CPQ: variants seen among roughly 807,000 people sequenced by gnomAD.
CPQ encodes the protein carboxypeptidase Q.
A neutral mutation model predicts 45.7 loss-of-function variants in CPQ; 37 were observed. The ratio of observed to expected loss-of-function variants is 0.81; its 90% CI spans 0.62 to 1.07. CPQ has a LOEUF of 1.07. Ranked by LOEUF, CPQ falls within the 50% of genes least tolerant of loss-of-function variation. The pLI is 0.00. For missense variants in CPQ, 537 were observed against 572.9 expected (o/e 0.94, Z 0.64); for synonymous variants, 186 against 205.8 (o/e 0.90, Z 0.82).
At chr8:97,084,836 GTCTC>G (rs1004495853) in intron 7 of CPQ, among the ~76,000 whole-genome samples, 1 of 151,384 alleles carries the variant, frequency 6.6e-6, no homozygotes, top group East Asian at 1.9e-4. Context: ...GTGTGTGTGT[GTCTC>G]TCTGTGTGTA....
rs1296340476 is a variant in CPQ, at chr8:96,757,363, A to G, written c.-34-27501A>G. On this transcript the variant is annotated intron_variant, in intron 1 of 7. Transcript: ENST00000220763. ...AAGACTCCATCTCAATGATAATAATAATAATAATAATAATAATAATAATAA... is the reference window on the plus strand; with the variant it reads ...AAGACTCCATCTCAATGATAATAATGATAATAATAATAATAATAATAATAA... Among the ~76,000 whole-genome samples, 144 of 35,500 alleles carry G rather than the reference A, an allele frequency of 4.1e-3. 1 individual carries two copies. The highest frequency in any genetic ancestry group is 9.4e-3 in the African/African-American group (124 of 13,196). 23.3% of individuals were successfully genotyped at this position (35,500 alleles called of 152,430 possible).
chr8:97,040,150 T>C (rs887430175), intron 6 of CPQ, among the ~76,000 whole-genome samples: 2 of 149,542 alleles, frequency 1.3e-5, no homozygotes, highest in Non-Finnish European at 3.0e-5. Context: ...ACCTGTTGTT[T>C]CCTGACTTTT....
chr8:97,069,484 A>G (rs866653642), intron 7 of CPQ, among the ~76,000 whole-genome samples: 49 of 151,774 alleles, frequency 3.2e-4, no homozygotes, highest in Admixed American at 9.8e-4. Flanking sequence ...AAAAAAAAAA[A>G]AAGAAAAGGA....
intron 7 of CPQ, among the ~76,000 whole-genome samples, chr8:97,136,823 T>C (rs1426848400): frequency 6.6e-6 from 1 of 152,218 alleles, no homozygotes; most frequent in African/African-American, 2.4e-5. Flanking sequence ...TGACTCCCTC[T>C]TCAGAGCTCA....
chr8:97,012,851 C>T (rs1464353427), intron 5 of CPQ, among the ~76,000 whole-genome samples: 2 of 152,150 alleles, frequency 1.3e-5, no homozygotes, highest in Non-Finnish European at 2.9e-5. Context: ...GTAAACACCT[C>T]GCAGTTTGCT....
intron 1 of CPQ, among the ~76,000 whole-genome samples, chr8:96,768,148 TATGA>T (rs1202545751): frequency 6.6e-6 from 1 of 152,224 alleles, no homozygotes; most frequent in Non-Finnish European, 1.5e-5. Flanking sequence ...AAACTTGTTT[TATGA>T]ATGTTCTTTC....
At position 96,782,658 on chromosome 8, in the gene CPQ, C is replaced by T. The variant is rs573429280; in HGVS notation, c.-34-2206C>T. 1.3e-4 allele frequency among the ~76,000 whole-genome samples: 20 copies of T among 152,232 alleles called. No individual in the cohort carries two copies. In the South Asian group the frequency reaches 2.1e-3, roughly 16 times the overall value. ...CACACATTTTTATTCTTTACATGGC[C>T]AGGCTGTGAATTTTCATAATTTTTA... On this transcript the variant is annotated intron_variant, in intron 1 of 7. Coordinates refer to ENST00000220763, the MANE Select transcript of CPQ (RefSeq NM_016134.4).
At chr8:96,882,033 G>A (rs1812230305) in intron 4 of CPQ, among the ~76,000 whole-genome samples, 2 of 152,158 alleles carry the variant, frequency 1.3e-5, no homozygotes, top group South Asian at 4.2e-4. Flanking sequence ...AAGAGTGATG[G>A]CATTTGGTGA....
chr8:97,023,766 T>C (rs1440166407), intron 5 of CPQ, among the ~76,000 whole-genome samples: 1 of 152,206 alleles, frequency 6.6e-6, no homozygotes, highest in Non-Finnish European at 1.5e-5. Context: ...ACAGGGCTTA[T>C]TAGCAGGAAG....
intron 1 of CPQ, among the ~76,000 whole-genome samples, chr8:96,773,443 A>G (rs2130799889): frequency 6.6e-6 from 1 of 152,298 alleles, no homozygotes; most frequent in East Asian, 1.9e-4. Flanking sequence ...TGAATCTTGC[A>G]TCATGATTGT....
intron 3 of CPQ, among the ~76,000 whole-genome samples, chr8:96,872,579 C>A (rs1031245794): frequency 6.6e-6 from 1 of 151,848 alleles, no homozygotes; most frequent in African/African-American, 2.4e-5. Flanking sequence ...ATATAATGCA[C>A]TGATTTATCA....
intron 6 of CPQ, among the ~76,000 whole-genome samples, chr8:97,045,288 A>T (rs1810224252): frequency 6.6e-6 from 1 of 152,196 alleles, no homozygotes; most frequent in Non-Finnish European, 1.5e-5. Flanking sequence ...GTACCTTCCA[A>T]GCCATGTGCG....
chr8:96,826,359 A>G (rs1317271924), intron 2 of CPQ, among the ~76,000 whole-genome samples: 2 of 152,042 alleles, frequency 1.3e-5, no homozygotes, highest in African/African-American at 4.8e-5. Context: ...TTTGATAGAA[A>G]CTTTAAATTC....
intron 2 of CPQ, among the ~76,000 whole-genome samples, chr8:96,792,568 T>C (rs990590861): frequency 6.6e-6 from 1 of 152,192 alleles, no homozygotes; most frequent in Non-Finnish European, 1.5e-5. Context: ...TGCCATATTA[T>C]GTTATGTTTT....
At chr8:97,107,656 C>A (rs2130588731) in intron 7 of CPQ, among the ~76,000 whole-genome samples, 1 of 151,804 alleles carries the variant, frequency 6.6e-6, no homozygotes, top group East Asian at 1.9e-4. Flanking sequence ...CTAAGCACTT[C>A]TCCTTGGCCT....
At chr8:97,056,468 A>C (rs1810457639) in intron 6 of CPQ, 1 of 152,186 alleles carries the variant, frequency 6.6e-6, no homozygotes, top group African/African-American at 2.4e-5. Context: ...AAAAAGAGCC[A>C]AGAGTCTGAG....
intron 1 of CPQ, among the ~76,000 whole-genome samples, chr8:96,679,019 T>C (rs1044856719): frequency 6.6e-6 from 1 of 152,146 alleles, no homozygotes; most frequent in African/African-American, 2.4e-5. Context: ...TGTATTCTTC[T>C]AGTAGTTTTA....
At chr8:96,729,245 T>C (rs1157466661) in intron 1 of CPQ, among the ~76,000 whole-genome samples, 1 of 152,158 alleles carries the variant, frequency 6.6e-6, no homozygotes, top group Non-Finnish European at 1.5e-5. Context: ...ATTAATTCCT[T>C]GTTGGGCATG....
intron 1 of CPQ, among the ~76,000 whole-genome samples, chr8:96,774,140 G>A (rs774388519): frequency 5.9e-5 from 9 of 152,074 alleles, no homozygotes; most frequent in Non-Finnish European, 1.2e-4. Flanking sequence ...GCACAGTGGT[G>A]CATGCCTGTA....
Sources: gnomAD v4.1 joint callset for allele counts (sites outside exome capture counted in the v4.1 genomes callset) on GRCh38, gnomAD v4.1.1 for gene constraint, MANE v1.5 for transcripts, NCBI Gene and HGNC (gene_info 2026-07-23, HGNC 2026-07-21) for gene names.